Variants in DYNC2I2 observed in about 807,000 individuals in gnomAD.
The protein encoded by DYNC2I2 is dynein 2 intermediate chain 2, also known as cytoplasmic dynein 2 intermediate chain 2.
DYNC2I2 carries 39 observed loss-of-function variants against 52.0 expected under a neutral mutation model. The observed-to-expected ratio is 0.75, with a 90% confidence interval of 0.58 to 0.98. The LOEUF (loss-of-function observed/expected upper bound fraction) is 0.98, where lower values mean the gene tolerates loss of function less well. DYNC2I2 is among the 50% of genes least tolerant of loss of function. DYNC2I2 has a pLI of 0.00. For missense variants in DYNC2I2, 743 were observed against 728.4 expected (o/e 1.02, Z -0.23); for synonymous variants, 359 against 321.1 (o/e 1.12, Z -1.26).
In DYNC2I2 at chr9:128,635,128, G is replaced by T; in HGVS notation, c.945C>A (p.Val315=). The T allele has an allele frequency of 6.2e-7, 1 of 1,613,240 alleles. No homozygotes were observed. The highest frequency in any genetic ancestry group is 1.1e-5 in the South Asian group (1 of 91,048). Residue 315 remains valine, a synonymous_variant, in exon 6 of 9, where the codon GTC becomes GTA. Coordinates refer to ENST00000372715, the MANE Select transcript of DYNC2I2 (RefSeq NM_052844.4). Reference sequence around the variant, plus strand: ...TGGTGCTCCGTGGCAGCTGCTGCATGACCAGGGCGAAGCCCTCTGTGAGCT... The same window carrying T: ...TGGTGCTCCGTGGCAGCTGCTGCATTACCAGGGCGAAGCCCTCTGTGAGCT... ...QLQLTEGFAL[V]MQQLPRSTKL...
intron 3 of DYNC2I2, 48 bp downstream of exon 3, chr9:128,636,870 G>A: frequency 1.4e-6 from 2 of 1,422,422 alleles, no homozygotes; most frequent in South Asian, 1.2e-5. Flanking sequence ...GGCCCAAGGA[G>A]GGTCCTGGGG....
chr9:128,654,222 G>T (rs1351702623), intron 1 of DYNC2I2, among the ~76,000 whole-genome samples: 1 of 152,080 alleles, frequency 6.6e-6, no homozygotes, highest in Non-Finnish European at 1.5e-5. Context: ...GGCTTCAGCT[G>T]GGCAGACTTC....
At chr9:128,668,596 G>C in the DYNC2I2 span, among the ~76,000 whole-genome samples, 1 of 151,798 alleles carries the variant, frequency 6.6e-6, no homozygotes, top group African/African-American at 2.4e-5. Flanking sequence ...GCTGAGATGG[G>C]TGGATCACAA....
At chr9:128,666,387 A>G in the DYNC2I2 span, among the ~76,000 whole-genome samples, 2 of 145,254 alleles carry the variant, frequency 1.4e-5, no homozygotes, top group Admixed American at 6.7e-5. Flanking sequence ...GTCTCAGAAA[A>G]AAAAAAAAAA....
chr9:128,648,421 C>T (rs1249247960), intron 1 of DYNC2I2, among the ~76,000 whole-genome samples: 3 of 151,850 alleles, frequency 2.0e-5, no homozygotes, highest in Non-Finnish European at 4.4e-5. Flanking sequence ...AAGCCCACTC[C>T]AGCAGGGGGT....
At chr9:128,665,598 T>C in the DYNC2I2 span, among the ~76,000 whole-genome samples, 90 of 151,730 alleles carry the variant, frequency 5.9e-4, no homozygotes, top group South Asian at 8.3e-4. Flanking sequence ...GGTGAAACGC[T>C]GTCCCTACTA....
chr9:128,681,208 A>G, the DYNC2I2 span, among the ~76,000 whole-genome samples: 1 of 152,096 alleles, frequency 6.6e-6, no homozygotes, highest in African/African-American at 2.4e-5. Context: ...CTCCTGCCTC[A>G]GCCTCCCGAG....
intron 1 of DYNC2I2, among the ~76,000 whole-genome samples, chr9:128,642,496 C>T (rs1454317849): frequency 2.7e-5 from 4 of 149,786 alleles, no homozygotes; most frequent in Admixed American, 6.7e-5. Flanking sequence ...TGAGGCCGGG[C>T]GCAGTGGCTC....
chr9:128,635,055 C>T lies in DYNC2I2; in HGVS notation c.981+37G>A, dbSNP rs528035131. ...ACACCTTCCCACCCCCAAGGCTCAC[C>T]GGCGCAGGCCAGGGCAGTTTCCGGG... is the stretch of plus-strand genomic sequence containing the variant. On this transcript the variant is annotated intron_variant, in intron 6 of 8. Transcript: ENST00000372715. The T allele has an allele frequency of 8.8e-6, 14 of 1,592,224 alleles. No individual in the cohort carries two copies. In the East Asian group the frequency reaches 9.0e-5, roughly 10 times the overall value.
rs565766484 is a variant in DYNC2I2 at position 128,638,537 on chromosome 9, T to TA, written c.436-1511dup. Among the ~76,000 whole-genome samples, 31 of 151,126 alleles carry TA rather than the reference T, an allele frequency of 2.1e-4. No individual in the cohort carries two copies. The East Asian group carries it at 6.0e-3, about 29-fold the overall frequency. ...TCTCAAAAAAAAAAAATGCATTTTGTAAAAAAATAAAAAAGAAACTATCCA... is the reference window on the plus strand; with the variant it reads ...TCTCAAAAAAAAAAAATGCATTTTGTAAAAAAAATAAAAAAGAAACTATCCA... On this transcript the variant is annotated intron_variant, in intron 2 of 8. Coordinates refer to ENST00000372715, the MANE Select transcript of DYNC2I2 (RefSeq NM_052844.4).
chr9:128,677,171 T>C, the DYNC2I2 span, among the ~76,000 whole-genome samples: 1 of 150,714 alleles, frequency 6.6e-6, no homozygotes, highest in Non-Finnish European at 1.5e-5. Context: ...ATGTAATATG[T>C]TCACAAAGGG....
intron 1 of DYNC2I2, among the ~76,000 whole-genome samples, chr9:128,654,176 C>A (rs1052615641): frequency 2.0e-5 from 3 of 152,162 alleles, no homozygotes; most frequent in Non-Finnish European, 4.4e-5. Context: ...TACAGCACAG[C>A]AAAGCGGGAA....
At chr9:128,658,159 G>C (rs2132194028), upstream of DYNC2I2, among the ~76,000 whole-genome samples, 1 of 150,860 alleles carries the variant, frequency 6.6e-6, no homozygotes, top group Admixed American at 6.6e-5. Context: ...GGGAAGGATA[G>C]ATGCTACTTT....
chr9:128,675,646 G>A, the DYNC2I2 span, among the ~76,000 whole-genome samples: 1 of 152,134 alleles, frequency 6.6e-6, no homozygotes, highest in African/African-American at 2.4e-5. Context: ...CATCCCAAGC[G>A]GACAGGTGAA....
chr9:128,634,059 G>A (rs1250694052), intron 8 of DYNC2I2, 77 bp from the exon 9 acceptor site: 11 of 1,573,066 alleles, frequency 7.0e-6, no homozygotes, highest in Non-Finnish European at 9.6e-6. Flanking sequence ...CTAATGCCCG[G>A]GTTCAATCCT....
the DYNC2I2 span, among the ~76,000 whole-genome samples, chr9:128,664,657 G>A: frequency 6.6e-6 from 1 of 151,606 alleles, no homozygotes; most frequent in African/African-American, 2.4e-5. Context: ...ACTAATTTTT[G>A]TATTATTAGT....
At chr9:128,670,620 C>T in the DYNC2I2 span, among the ~76,000 whole-genome samples, 1 of 151,854 alleles carries the variant, frequency 6.6e-6, no homozygotes, top group Admixed American at 6.6e-5. Flanking sequence ...CCTGTAGTCC[C>T]AGCTATTCGG....
At chr9:128,677,823 C>A in the DYNC2I2 span, among the ~76,000 whole-genome samples, 1 of 151,776 alleles carries the variant, frequency 6.6e-6, no homozygotes. Context: ...ACAACAACAA[C>A]AAAAAACACG....
intron 2 of DYNC2I2, 113 bp from the exon 3 acceptor site, chr9:128,637,140 A>T: frequency 1.5e-6 from 1 of 678,050 alleles, no homozygotes; most frequent in Non-Finnish European, 2.6e-6. Flanking sequence ...CCTCAAGTCC[A>T]TCAGCCAGGC....
Sources: gnomAD v4.1 joint callset for allele counts (sites outside exome capture counted in the v4.1 genomes callset) on GRCh38, gnomAD v4.1.1 for gene constraint, MANE v1.5 for transcripts, NCBI Gene and HGNC (gene_info 2026-07-23, HGNC 2026-07-21) for gene names.